Variants in CDHR2 observed in about 807,000 individuals in gnomAD.
CDHR2 encodes the protein cadherin-related family member 2.
Under a neutral mutation model 138.6 loss-of-function variants are expected in CDHR2, and 104 were observed. That is an observed-to-expected ratio of 0.75 (90% CI 0.64 to 0.88). The LOEUF is 0.88. Among genes scored for constraint, CDHR2 ranks in the 40% least tolerant of loss-of-function variants. The pLI is 0.00. For synonymous variants in CDHR2, 755 were observed against 742.8 expected, an observed-to-expected ratio of 1.02 and a Z score of -0.27; for missense variants, 1,624 against 1,727.6, an observed-to-expected ratio of 0.94 and a Z score of 1.06.
intron 31 of CDHR2, among the ~76,000 whole-genome samples, chr5:176,593,044 T>C (rs1301668591): frequency 6.6e-6 from 1 of 152,128 alleles, no homozygotes; most frequent in East Asian, 1.9e-4. Context: ...TGCAGGGCCA[T>C]TGTGAGGATT....
rs371547032 is a variant in CDHR2 at position 176,586,018 on chromosome 5, G to A, written c.2799G>A (p.Lys933=). ...DNAPYFLPEN[K]TFVIIPELVL... ...CACCCTATTTTCTGCCTGAGAATAA[G>A]ACTTTTGGTAAGCAGCAACCCCATT... is the stretch of plus-strand genomic sequence containing the variant. The change falls in exon 20 of 32, where the codon AAG becomes AAA. Residue 933 remains lysine (K), a synonymous_variant. Coordinates refer to ENST00000261944, the MANE Select transcript of CDHR2 (RefSeq NM_017675.6). 1.2e-5 allele frequency: 19 copies of A among 1,613,770 alleles called. No individual in the cohort carries two copies. Among genetic ancestry groups the A allele is most frequent in the Middle Eastern group, 1.6e-4 (1 of 6,084 alleles).
chr5:176,559,663 C>A (rs539291413), intron 1 of CDHR2, among the ~76,000 whole-genome samples: 1 of 152,122 alleles, frequency 6.6e-6, no homozygotes, highest in South Asian at 2.1e-4. Flanking sequence ...TCCTAGTTTC[C>A]ATTTCTCAAC....
At chr5:176,571,433 G>A in intron 6 of CDHR2, 131 bp downstream of exon 6, 2 of 538,468 alleles carry the variant, frequency 3.7e-6, no homozygotes, top group Non-Finnish European at 6.4e-6. Context: ...GCAGCTTCAA[G>A]AACCAAAGCC....
intron 1 of CDHR2, among the ~76,000 whole-genome samples, chr5:176,551,884 T>TG (rs35127166): frequency 2.7e-5 from 4 of 147,780 alleles, no homozygotes; most frequent in African/African-American, 1.0e-4. Flanking sequence ...TTTTTTTTTT[T>TG]GGGGAACTTT....
In CDHR2 at chr5:176,586,827, G is replaced by A. The variant is rs767318642; in HGVS notation, c.2841G>A (p.Glu947=). ...IIPELVLPNR[E]VASVRARDDD... is the part of the protein sequence containing the mutation. ...CTGAACTCGTGCTGCCCAACCGGGA[G>A]GTGGCTTCTGTCCGGGTAAGTTCTT... Residue 947 remains glutamate (E), a synonymous_variant, in exon 21 of 32, where the codon GAG becomes GAA. Coordinates refer to ENST00000261944, the MANE Select transcript of CDHR2 (RefSeq NM_017675.6). 4 of 1,610,158 alleles carry A rather than the reference G, an allele frequency of 2.5e-6. No homozygotes were observed. Among genetic ancestry groups the A allele is most frequent in the Admixed American group, 3.4e-5 (2 of 59,558 alleles).
At chr5:176,551,884 TGGG>T (rs35127166) in intron 1 of CDHR2, among the ~76,000 whole-genome samples, 1 of 147,780 alleles carries the variant, frequency 6.8e-6, no homozygotes. Flanking sequence ...TTTTTTTTTT[TGGG>T]GAACTTTTAG....
At chr5:176,586,142 T>C in intron 20 of CDHR2, 117 bp downstream of exon 20, 1 of 731,516 alleles carries the variant, frequency 1.4e-6, no homozygotes, top group East Asian at 2.5e-5. Context: ...GGAAGGCCTC[T>C]AATCCTGCAT....
chr5:176,576,248 G>T lies in CDHR2; in HGVS notation c.1194+63G>T. 7.7e-7 allele frequency: 1 copy of T among 1,304,832 alleles called. No homozygotes were observed. Among genetic ancestry groups the T allele is most frequent in the South Asian group, 1.3e-5 (1 of 77,762 alleles). The allele number at this position is 1,304,832 out of a possible 1,614,324, so 80.8% of individuals were successfully genotyped here. On this transcript the variant is annotated intron_variant, in intron 12 of 31. Coordinates refer to ENST00000261944, the MANE Select transcript of CDHR2 (RefSeq NM_017675.6). This position sits in a 1 kb window ranked among gnomAD's most constrained non-coding sequence, Gnocchi z 4.5. ...GGGGAGGCCAGTGGGAGCCTGGATC[G>T]AGTGACGGTGTCATGTGGTGCTGGG...
chr5:176,584,585 C>A lies in CDHR2; in HGVS notation c.2304C>A (p.Tyr768Ter). The A allele has an allele frequency of 6.2e-7, 1 of 1,607,718 alleles. No homozygotes were observed. The highest frequency in any genetic ancestry group is 1.7e-5 in the Admixed American group (1 of 59,770). ...LRLPPDVSLD[Y>*]ETQPVFNLTV... ...TGCCCCCGGACGTGAGCCTGGATTA[C>A]GAGACACAGCCCGTCTTCAACTTGA... The change falls in exon 19 of 32, where the codon TAC becomes TAA. Residue 768 changes from tyrosine (Y) to a stop codon, truncating the protein, a stop_gained. Coordinates refer to ENST00000261944, the MANE Select transcript of CDHR2 (RefSeq NM_017675.6). LOFTEE classifies it high-confidence loss of function.
intron 7 of CDHR2, among the ~76,000 whole-genome samples, 167 bp downstream of exon 7, chr5:176,574,339 G>A (rs546033542): frequency 1.2e-4 from 19 of 152,250 alleles, no homozygotes; most frequent in Admixed American, 9.2e-4. Context: ...CGGAAACCTC[G>A]CCTTGCCCGC....
chr5:176,576,765 T>TG lies in CDHR2; in HGVS notation c.1194+582dup. On this transcript the variant is annotated intron_variant, in intron 12 of 31. Transcript: ENST00000261944. The surrounding 1 kb of genome is among the most constrained non-coding windows in gnomAD (Gnocchi z 4.5). Reference sequence around the variant, plus strand: ...CTAATTTTTGTGTTTTTAGTAGAGATGGAGTTTCACCATGTTGGCCAGGTT... The same window carrying TG: ...CTAATTTTTGTGTTTTTAGTAGAGATGGGAGTTTCACCATGTTGGCCAGGTT... Among the ~76,000 whole-genome samples the TG allele has an allele frequency of 6.6e-6, 1 of 151,988 alleles. No individual in the cohort carries two copies. The highest frequency in any genetic ancestry group is 1.9e-4 in the East Asian group (1 of 5,168).
rs1057007936 is a variant in CDHR2 at position 176,578,271 on chromosome 5, G to A, written c.1575-94G>A. ...ATGAATATGTTGCATATACTGCATGGGATATGCTGAAATATTTGTTGTTGT... is the reference window on the plus strand; with the variant it reads ...ATGAATATGTTGCATATACTGCATGAGATATGCTGAAATATTTGTTGTTGT... On this transcript the variant is annotated intron_variant, in intron 15 of 31. Coordinates refer to ENST00000261944, the MANE Select transcript of CDHR2 (RefSeq NM_017675.6). 6 of 1,298,294 alleles carry A rather than the reference G, an allele frequency of 4.6e-6. No individual in the cohort carries two copies. In the African/African-American group the frequency reaches 7.3e-5, roughly 16 times the overall value. The allele number at this position is 1,298,294 out of a possible 1,614,324, so 80.4% of individuals were successfully genotyped here.
chr5:176,593,886 G>A (rs1192134727), intron 31 of CDHR2, among the ~76,000 whole-genome samples: 1 of 152,210 alleles, frequency 6.6e-6, no homozygotes, highest in Non-Finnish European at 1.5e-5. Flanking sequence ...CCCCAGGTAT[G>A]GTTGTGTGGG....
chr5:176,575,976 T>C lies in CDHR2; in HGVS notation c.985T>C (p.Tyr329His), dbSNP rs775337432. Reference protein sequence around the residue: ...VTATETHLNIYGQEAKVSIWV... With the variant: ...VTATETHLNIHGQEAKVSIWV... ...GGCCACCGAGACACACCTCAACATCTACGGGCAGGAGGCCAAGGTGAGCAT... is the reference window on the plus strand; with the variant it reads ...GGCCACCGAGACACACCTCAACATCCACGGGCAGGAGGCCAAGGTGAGCAT... The change falls in exon 12 of 32, where the codon TAC (tyrosine) becomes CAC (histidine). Residue 329 changes from tyrosine to histidine, a missense_variant. This residue lies in a region of CDHR2 where 1,061 missense variants were observed against 1,136.6 expected (regional missense o/e 0.93). Transcript: ENST00000261944. 3 of 1,613,742 alleles carry C rather than the reference T, an allele frequency of 1.9e-6. No individual in the cohort carries two copies. Among genetic ancestry groups the C allele is most frequent in the Non-Finnish European group, 2.5e-6 (3 of 1,179,940 alleles).
intron 21 of CDHR2, among the ~76,000 whole-genome samples, chr5:176,588,516 CAT>C (rs771661419): frequency 0.02 from 2,370 of 119,702 alleles, 43 homozygotes; most frequent in Middle Eastern, 0.069. Flanking sequence ...TGAGTGTGTG[CAT>C]GTGTGTGAGT....
chr5:176,584,105 G>T, intron 17 of CDHR2, 85 bp from the exon 18 acceptor site: 1 of 1,143,958 alleles, frequency 8.7e-7, no homozygotes, highest in South Asian at 1.3e-5. Flanking sequence ...CCATGCCTTG[G>T]AGCACAGGGA....
upstream of CDHR2, among the ~76,000 whole-genome samples, chr5:176,548,184 A>G (rs1757625684): frequency 6.6e-6 from 1 of 152,262 alleles, no homozygotes; most frequent in Non-Finnish European, 1.5e-5. Context: ...TTATACTCTT[A>G]TGGGACCGCT....
chr5:176,561,548 C>T (rs1757967911), intron 1 of CDHR2, among the ~76,000 whole-genome samples: 1 of 152,078 alleles, frequency 6.6e-6, no homozygotes, highest in Non-Finnish European at 1.5e-5. Flanking sequence ...ATGCAGCATC[C>T]TGTGAGGTCA....
chr5:176,587,196 CCAG>C (rs1036868324), intron 21 of CDHR2, among the ~76,000 whole-genome samples: 3 of 152,176 alleles, frequency 2.0e-5, no homozygotes, highest in African/African-American at 7.2e-5. Flanking sequence ...GCCTGTAATC[CCAG>C]CACTTTGGGA....
Sources: gnomAD v4.1 joint callset for allele counts (sites outside exome capture counted in the v4.1 genomes callset) on GRCh38, gnomAD v4.1.1 for gene constraint, gnomAD v4.1.1 regional missense constraint, Gnocchi (gnomAD v3.1) non-coding constraint, MANE v1.5 for transcripts, NCBI Gene and HGNC (gene_info 2026-07-23, HGNC 2026-07-21) for gene names.